Variants in WASHC4 observed in about 807,000 individuals in gnomAD.
The protein encoded by WASHC4 is WASH complex subunit 4.
WASHC4 carries 86 observed loss-of-function variants against 166.6 expected under a neutral mutation model. The ratio of observed to expected loss-of-function variants is 0.52; its 90% CI spans 0.43 to 0.62. The LOEUF is 0.62. Ranked by LOEUF, WASHC4 falls within the 20% of genes least tolerant of loss-of-function variation. The pLI, the probability that WASHC4 is intolerant of heterozygous loss-of-function variation, is 0.00. For missense variants in WASHC4, 1,262 were observed against 1,382.4 expected (o/e 0.91, Z 1.38); for synonymous variants, 446 against 451.6 (o/e 0.99, Z 0.16).
intron 1 of WASHC4, among the ~76,000 whole-genome samples, chr12:105,108,310 C>G (rs1247838743): frequency 6.6e-6 from 1 of 152,216 alleles, no homozygotes; most frequent in African/African-American, 2.4e-5. Context: ...TTCTTTTCCT[C>G]CCAAATCAAC....
At position 105,107,779 on chromosome 12, in the gene WASHC4, G is replaced by A. The variant is rs781763720; in HGVS notation, c.-22G>A. 158 of 1,546,232 alleles carry A rather than the reference G, an allele frequency of 1.0e-4. No homozygotes were observed. The highest frequency in any genetic ancestry group is 1.2e-4 in the Non-Finnish European group (141 of 1,142,500). ...CGCCGCACGGGCTGGTTGGGGCTGT[G>A]TCTGTGGGAGGCGCCGGGGTGATGG... On this transcript the variant is annotated 5_prime_UTR_variant, in exon 1 of 33. Coordinates refer to ENST00000332180, the MANE Select transcript of WASHC4 (RefSeq NM_015275.3).
intron 20 of WASHC4, among the ~76,000 whole-genome samples, chr12:105,143,740 G>A (rs974379484): frequency 2.0e-5 from 3 of 151,902 alleles, no homozygotes; most frequent in South Asian, 4.1e-4. Context: ...TTTCCATTTA[G>A]TGATATTTTT....
rs367775924 is a variant in WASHC4, at chr12:105,146,820, C to T, written c.2410-222C>T. Among the ~76,000 whole-genome samples, 275 of 152,082 alleles carry T rather than the reference C, an allele frequency of 1.8e-3. 3 individuals are homozygous for T. The highest frequency in any genetic ancestry group is 6.4e-3 in the African/African-American group (267 of 41,490). On this transcript the variant is annotated intron_variant, in intron 23 of 32. Transcript: ENST00000332180. ...TCCAAAATCTGAAATGCTCCAGAAT[C>T]GTAAACTTCTGACCACCAACATGAC... is the stretch of plus-strand genomic sequence containing the variant.
In WASHC4 at chr12:105,113,972, C is replaced by T. The variant is rs376409442; in HGVS notation, c.202-244C>T. Among the ~76,000 whole-genome samples the T allele has an allele frequency of 7.2e-5, 11 of 152,094 alleles. No homozygotes were observed. The East Asian group carries it at 2.1e-3, about 29-fold the overall frequency. Reference sequence around the variant, plus strand: ...TTACCTTGCATTTTCTTATACTGCACTCATAATCAGCCACCTTATGCTCCA... The same window carrying T: ...TTACCTTGCATTTTCTTATACTGCATTCATAATCAGCCACCTTATGCTCCA... On this transcript the variant is annotated intron_variant, in intron 2 of 32. Transcript: ENST00000332180.
intron 30 of WASHC4, among the ~76,000 whole-genome samples, chr12:105,163,238 A>T (rs1038436835): frequency 1.3e-5 from 2 of 152,158 alleles, no homozygotes; most frequent in African/African-American, 4.8e-5. Context: ...GATTACAGGC[A>T]TGAGCCACCA....
rs186181093 is a variant in WASHC4, at chr12:105,168,335, G to C, written c.*1404G>C. ...ATGTAAACATGGCTTACAGAATTAT[G>C]AACAGTGGATAGATTAAAGGCATTT... On this transcript the variant is annotated 3_prime_UTR_variant, in exon 33 of 33. Coordinates refer to ENST00000332180, the MANE Select transcript of WASHC4 (RefSeq NM_015275.3). 6 of 152,586 alleles carry C rather than the reference G, an allele frequency of 3.9e-5. No homozygotes were observed. The highest frequency in any genetic ancestry group is 3.9e-4 in the Admixed American group (6 of 15,288). 9.5% of individuals were successfully genotyped at this position (152,586 alleles called of 1,614,324 possible). A position where few individuals can be genotyped will look rare whatever the true frequency, so the allele number is the denominator to read the frequency against.
In WASHC4 at chr12:105,140,906, T is replaced by G; in HGVS notation, c.1568T>G (p.Val523Gly). ...LHSISVAKKR[V>G]ISDKKYSEQR... ...TCCTGTTTTATTTTTAAGAAAAGAG[T>G]GATTTCTGACAAAAAATACAGCGAA... The change falls in exon 17 of 33, where the codon GTG (valine) becomes GGG (glycine). Residue 523 changes from valine to glycine, a missense_variant. Physicochemically the swap from Val to Gly is moderately radical, Grantham distance 109 (BLOSUM62 -3). Transcript: ENST00000332180. 1.2e-6 allele frequency: 2 copies of G among 1,613,794 alleles called. No homozygotes were observed. The highest frequency in any genetic ancestry group is 1.7e-6 in the Non-Finnish European group (2 of 1,179,958).
In WASHC4 at chr12:105,133,827, T is replaced by C. The variant is rs1882074993; in HGVS notation, c.1257T>C (p.Ile419=). The C allele has an allele frequency of 6.2e-7, 1 of 1,612,080 alleles. No individual in the cohort carries two copies. Among genetic ancestry groups the C allele is most frequent in the African/African-American group, 1.3e-5 (1 of 75,000 alleles). ...VSSWMMKMES[I]LSKEQRMDKF... is the part of the protein sequence containing the mutation. ...CATGGATGATGAAAATGGAATCTAT[T>C]TTGTCTAAAGAGCAGAGAATGGATA... Residue 419 remains isoleucine, a synonymous_variant, in exon 14 of 33, where the codon ATT becomes ATC. Transcript: ENST00000332180.
intron 25 of WASHC4, among the ~76,000 whole-genome samples, chr12:105,151,306 A>G (rs1883756201): frequency 6.6e-6 from 1 of 152,108 alleles, no homozygotes; most frequent in Admixed American, 6.5e-5. Flanking sequence ...GATGGGTCCT[A>G]TATTTGATTT....
intron 29 of WASHC4, among the ~76,000 whole-genome samples, chr12:105,162,495 C>T (rs1884560203): frequency 6.6e-6 from 1 of 152,056 alleles, no homozygotes; most frequent in Non-Finnish European, 1.5e-5. Flanking sequence ...TGTTCTTGGG[C>T]TAAGTAGTGA....
intron 7 of WASHC4, 29 bp from the exon 8 acceptor site, chr12:105,120,526 T>C (rs749103109): frequency 6.9e-5 from 101 of 1,472,912 alleles, no homozygotes; most frequent in Non-Finnish European, 8.8e-5. Flanking sequence ...AAGGAAGTTT[T>C]TTTTAACTTG....
intron 25 of WASHC4, among the ~76,000 whole-genome samples, chr12:105,150,305 C>T (rs574137495): frequency 6.6e-6 from 1 of 152,134 alleles, no homozygotes; most frequent in Non-Finnish European, 1.5e-5. Context: ...TCTAATTTTT[C>T]ATTCTTACAA....
intron 26 of WASHC4, among the ~76,000 whole-genome samples, chr12:105,154,216 A>G (rs1210138039): frequency 6.6e-6 from 1 of 152,002 alleles, no homozygotes; most frequent in Admixed American, 6.5e-5. Flanking sequence ...TTTTTAGTAG[A>G]GATAGGGTTT....
intron 14 of WASHC4, 134 bp from the exon 15 acceptor site, chr12:105,137,752 C>A: frequency 1.4e-6 from 1 of 702,184 alleles, no homozygotes; most frequent in Non-Finnish European, 2.4e-6. Flanking sequence ...ATTTCCAAAT[C>A]TTAAGAGCTG....
intron 29 of WASHC4, among the ~76,000 whole-genome samples, chr12:105,161,970 C>T (rs1592922728): frequency 1.3e-5 from 2 of 152,156 alleles, no homozygotes; most frequent in East Asian, 3.8e-4. Context: ...ATTAAAAATT[C>T]AGCTTGTCAG....
At chr12:105,109,498 A>T in intron 1 of WASHC4, among the ~76,000 whole-genome samples, 1 of 152,196 alleles carries the variant, frequency 6.6e-6, no homozygotes, top group East Asian at 1.9e-4. Flanking sequence ...TTCTTATCTC[A>T]ACTTTTGTTA....
At chr12:105,139,443 A>ATATATATATATATG in intron 15 of WASHC4, among the ~76,000 whole-genome samples, 1 of 140,146 alleles carries the variant, frequency 7.1e-6, no homozygotes, top group South Asian at 2.2e-4. Context: ...ATATATATAT[A>ATATATATATATATG]TATATATATA....
chr12:105,144,196 A>T, intron 20 of WASHC4, 91 bp from the exon 21 acceptor site: 1 of 1,070,338 alleles, frequency 9.3e-7, no homozygotes, highest in Non-Finnish European at 1.4e-6. Context: ...CCAAAAAACT[A>T]TTGGTTTAAA....
At chr12:105,121,001 T>C in intron 8 of WASHC4, 100 bp from the exon 9 acceptor site, 2 of 773,828 alleles carry the variant, frequency 2.6e-6, no homozygotes, top group Non-Finnish European at 4.5e-6. Context: ...CTACTTTTAC[T>C]AATTCAGTAA....
Sources: allele counts gnomAD v4.1 joint callset (sites outside exome capture counted in the v4.1 genomes callset), GRCh38; gene constraint gnomAD v4.1.1; transcripts MANE v1.5; gene names NCBI Gene and HGNC (gene_info 2026-07-23, HGNC 2026-07-21).